Variants in RASSF5 observed in about 807,000 individuals in gnomAD.
RASSF5 encodes the protein Ras association domain family member 5, also known as ras association domain-containing protein 5.
Under a neutral mutation model 40.5 loss-of-function variants are expected in RASSF5, and 25 were observed. The ratio of observed to expected loss-of-function variants is 0.62; its 90% CI spans 0.45 to 0.86. The LOEUF is 0.86. RASSF5 is among the 40% of genes least tolerant of loss of function. The pLI is 0.00. For synonymous variants in RASSF5, 246 were observed against 252.4 expected, an observed-to-expected ratio of 0.97 and a Z score of 0.24; for missense variants, 521 against 572.8, an observed-to-expected ratio of 0.91 and a Z score of 0.92.
chr1:206,511,805 G>A (rs1162412663), intron 1 of RASSF5, among the ~76,000 whole-genome samples: 1 of 152,128 alleles, frequency 6.6e-6, no homozygotes, highest in African/African-American at 2.4e-5. Flanking sequence ...GCTATTGGCT[G>A]GGTTCAGCTC....
chr1:206,556,047 A>G (rs1348821946), intron 2 of RASSF5, among the ~76,000 whole-genome samples: 7 of 152,230 alleles, frequency 4.6e-5, no homozygotes, highest in African/African-American at 1.7e-4. Context: ...TCTCAGCCAC[A>G]GTCCAGGGCC....
At chr1:206,559,063 A>T (rs1668071785) in intron 2 of RASSF5, among the ~76,000 whole-genome samples, 1 of 152,228 alleles carries the variant, frequency 6.6e-6, no homozygotes, top group Non-Finnish European at 1.5e-5. Context: ...AGCTTTAGAA[A>T]ATACTGGTGA....
At chr1:206,521,515 C>G (rs1418333804) in intron 1 of RASSF5, among the ~76,000 whole-genome samples, 3 of 152,188 alleles carry the variant, frequency 2.0e-5, no homozygotes, top group African/African-American at 7.2e-5. Context: ...TGTATTTCTG[C>G]ATGAACTTCA....
Position 206,535,741 on chromosome 1 carries a change from TGTGAGA to T in RASSF5, c.458-2429_458-2424del, listed in dbSNP as rs1558503554. On this transcript the variant is annotated intron_variant, in intron 1 of 5. Transcript: ENST00000579436. This position sits in a 1 kb window ranked among gnomAD's most constrained non-coding sequence, Gnocchi z 5.0. ...GTGTGTGTGTGTGTGTGTGTGTGTG[TGTGAGA>T]GAGAGAGAGAGAGATGGAAATTGAG... Among the ~76,000 whole-genome samples, 5 of 133,338 alleles carry T rather than the reference TGTGAGA, an allele frequency of 3.7e-5. No individual in the cohort carries two copies. The highest frequency in any genetic ancestry group is 1.2e-4 in the African/African-American group (4 of 34,636). 87.5% of individuals were successfully genotyped at this position (133,338 alleles called of 152,430 possible).
intron 1 of RASSF5, among the ~76,000 whole-genome samples, chr1:206,525,630 AAATTGTTTT>A (rs1233263046): frequency 2.0e-5 from 3 of 152,188 alleles, no homozygotes; most frequent in Admixed American, 6.5e-5. Context: ...AAACAAAACA[AAATTGTTTT>A]AATTGTTTTG....
Position 206,523,701 on chromosome 1 carries a change from A to ATTTTATATATTATATATAATATAT in RASSF5, c.458-14468_458-14467insTATATATTATATATAATATATTTT, listed in dbSNP as rs1298273355. Among the ~76,000 whole-genome samples, 4 of 79,210 alleles carry ATTTTATATATTATATATAATATAT rather than the reference A, an allele frequency of 5.0e-5. No homozygotes were observed. The East Asian group carries it at 1.7e-3, about 34-fold the overall frequency. The allele number at this position is 79,210 out of a possible 152,430, so 52.0% of individuals were successfully genotyped here. The stretch of plus-strand genomic sequence containing the variant: ...TATATAAATATATTATATATAATAT[A>ATTTTATATATTATATATAATATAT]TTTATATATTATACAATATATTTAT... On this transcript the variant is annotated intron_variant, in intron 1 of 5. Coordinates refer to ENST00000579436, the MANE Select transcript of RASSF5 (RefSeq NM_182663.4).
intron 2 of RASSF5, among the ~76,000 whole-genome samples, chr1:206,554,350 T>A (rs1246716230): frequency 6.6e-6 from 1 of 152,222 alleles, no homozygotes; most frequent in Non-Finnish European, 1.5e-5. Context: ...CATGCAGAAC[T>A]ACAGGGTGGA....
chr1:206,510,697 A>C (rs1358505290), intron 1 of RASSF5, among the ~76,000 whole-genome samples: 1 of 152,080 alleles, frequency 6.6e-6, no homozygotes, highest in Admixed American at 6.5e-5. Flanking sequence ...TGCCACTCCT[A>C]CCTGATGTCC....
intron 5 of RASSF5, 47 bp from the exon 6 acceptor site, chr1:206,586,779 T>C: frequency 1.3e-6 from 2 of 1,492,352 alleles, no homozygotes; most frequent in South Asian, 1.2e-5. Context: ...ACTTCTAACC[T>C]GTCTCCTATT....
intron 2 of RASSF5, among the ~76,000 whole-genome samples, chr1:206,553,898 C>T (rs1389052531): frequency 6.6e-6 from 1 of 152,198 alleles, no homozygotes; most frequent in Non-Finnish European, 1.5e-5. Context: ...GAGTCAGACC[C>T]AGCGGAATTG....
intron 1 of RASSF5, among the ~76,000 whole-genome samples, chr1:206,537,081 C>T (rs1255649198): frequency 6.6e-6 from 1 of 152,188 alleles, no homozygotes; most frequent in Non-Finnish European, 1.5e-5. Flanking sequence ...TTGACTTCAC[C>T]TCCCTTCTGC....
At chr1:206,565,866 C>G (rs1668276432) in intron 2 of RASSF5, among the ~76,000 whole-genome samples, 1 of 152,312 alleles carries the variant, frequency 6.6e-6, no homozygotes, top group African/African-American at 2.4e-5. Flanking sequence ...TACCTCACCT[C>G]TGAAAAGCAG....
chr1:206,546,124 T>C (rs1409852891), intron 2 of RASSF5, among the ~76,000 whole-genome samples: 2 of 76,730 alleles, frequency 2.6e-5, no homozygotes, highest in African/African-American at 6.2e-5. Flanking sequence ...TTTTTTTTTT[T>C]TTGGGACAGG....
intron 2 of RASSF5, chr1:206,571,213 G>A (rs1553404148): frequency 6.6e-6 from 1 of 150,976 alleles, no homozygotes; most frequent in Non-Finnish European, 1.5e-5. Flanking sequence ...TTTTTCATGT[G>A]TTTGTAGATC....
intron 2 of RASSF5, among the ~76,000 whole-genome samples, chr1:206,575,577 A>G (rs1668610150): frequency 6.6e-6 from 1 of 152,158 alleles, no homozygotes; most frequent in African/African-American, 2.4e-5. Flanking sequence ...TCCTGCTGCC[A>G]TTCAGCCATG....
chr1:206,508,084 CG>C, intron 1 of RASSF5, 25 bp downstream of exon 1: 1 of 1,341,660 alleles, frequency 7.5e-7, no homozygotes, highest in Non-Finnish European at 9.6e-7. Context: ...AGGGGAGGGG[CG>C]TGCGGGGAGA....
chr1:206,526,719 G>A (rs1313962308), intron 1 of RASSF5, among the ~76,000 whole-genome samples: 12 of 152,162 alleles, frequency 7.9e-5, no homozygotes, highest in African/African-American at 2.9e-4. Flanking sequence ...AGGGAAGTGG[G>A]AGCAGGTGGG....
At chr1:206,545,631 T>C (rs1408128035) in intron 2 of RASSF5, among the ~76,000 whole-genome samples, 1 of 152,156 alleles carries the variant, frequency 6.6e-6, no homozygotes, top group Non-Finnish European at 1.5e-5. Flanking sequence ...CATGGGATAC[T>C]TTTAGGATTA....
chr1:206,558,990 T>C (rs1553402229), intron 2 of RASSF5, among the ~76,000 whole-genome samples: 1 of 152,160 alleles, frequency 6.6e-6, no homozygotes, highest in Admixed American at 6.5e-5. Context: ...CCACAGATAC[T>C]CCAGCTAGCT....
Sources: allele counts gnomAD v4.1 joint callset (sites outside exome capture counted in the v4.1 genomes callset), GRCh38; gene constraint gnomAD v4.1.1; non-coding constraint Gnocchi (gnomAD v3.1); transcripts MANE v1.5; gene names NCBI Gene and HGNC (gene_info 2026-07-23, HGNC 2026-07-21).